Variants in ZNG1E observed in about 807,000 individuals in gnomAD.
ZNG1E encodes the protein zinc-regulated GTPase metalloprotein activator 1E.
the ZNG1E span, among the ~76,000 whole-genome samples, chr9:65,675,276 A>G: frequency 6.6e-6 from 1 of 152,252 alleles, no homozygotes; most frequent in African/African-American, 2.4e-5. Flanking sequence ...AGGGCTATCT[A>G]TGGATTAGTG....
the ZNG1E span, among the ~76,000 whole-genome samples, chr9:65,664,350 A>T: frequency 6.1e-5 from 9 of 147,044 alleles, no homozygotes; most frequent in Admixed American, 2.7e-4. Context: ...TAATTGAATT[A>T]TGGGGGCAGG....
At chr9:65,666,229 G>T in the ZNG1E span, among the ~76,000 whole-genome samples, 2 of 150,656 alleles carry the variant, frequency 1.3e-5, no homozygotes, top group Non-Finnish European at 3.0e-5. Flanking sequence ...ATGTATTGTG[G>T]GAGGGACCCG....
chr9:65,672,498 C>T, the ZNG1E span, among the ~76,000 whole-genome samples: 1 of 150,748 alleles, frequency 6.6e-6, no homozygotes, highest in Non-Finnish European at 1.5e-5. Flanking sequence ...GTAATCCCAG[C>T]TCTTTAGGAG....
At chr9:65,666,212 G>A in the ZNG1E span, among the ~76,000 whole-genome samples, 1 of 150,728 alleles carries the variant, frequency 6.6e-6, no homozygotes, top group South Asian at 2.2e-4. Context: ...TCTTATCTTG[G>A]ATTCCCATGT....
chr9:65,685,005 G>A, the ZNG1E span, among the ~76,000 whole-genome samples: 1 of 142,512 alleles, frequency 7.0e-6, no homozygotes, highest in Non-Finnish European at 1.5e-5. Flanking sequence ...TTGCACCACT[G>A]CACTCCAGCC....
chr9:65,692,266 G>T, the ZNG1E span, among the ~76,000 whole-genome samples: 2 of 33,494 alleles, frequency 6.0e-5, no homozygotes, highest in African/African-American at 9.5e-5. Flanking sequence ...TTATATTTTG[G>T]ATTGTAAGCT....
the ZNG1E span, among the ~76,000 whole-genome samples, chr9:65,665,154 G>C: frequency 6.6e-6 from 1 of 152,280 alleles, no homozygotes; most frequent in Non-Finnish European, 1.5e-5. Flanking sequence ...AAGTAACAAG[G>C]AGCTGAATGT....
the ZNG1E span, among the ~76,000 whole-genome samples, chr9:65,669,434 A>C: frequency 2.0e-5 from 3 of 151,106 alleles, no homozygotes; most frequent in Admixed American, 2.0e-4. Context: ...ATTTCTAATG[A>C]CAATGGAAGA....
the ZNG1E span, among the ~76,000 whole-genome samples, chr9:65,688,164 T>G: frequency 7.5e-3 from 1,124 of 150,158 alleles, 2 homozygotes; most frequent in African/African-American, 0.026. Context: ...TTTAAATGAA[T>G]TAATTGGTTA....
the ZNG1E span, among the ~76,000 whole-genome samples, chr9:65,663,043 G>A: frequency 2.8e-4 from 43 of 152,366 alleles, no homozygotes; most frequent in African/African-American, 8.7e-4. Context: ...GAAGTACAAC[G>A]AACAAAGGAC....
the ZNG1E span, among the ~76,000 whole-genome samples, chr9:65,684,538 ACACACACGCACG>A: frequency 1.1e-5 from 1 of 91,838 alleles, no homozygotes; most frequent in African/African-American, 4.2e-5. Flanking sequence ...CTGTATACAC[ACACACACGCACG>A]CACACACACA....
At chr9:65,719,526 A>G in the ZNG1E span, 3 of 123,840 alleles carry the variant, frequency 2.4e-5, no homozygotes, top group East Asian at 6.3e-4. Context: ...TTTTTCTCTC[A>G]ATTGGTAACT....
At chr9:65,717,501 C>T in the ZNG1E span, among the ~76,000 whole-genome samples, 5 of 149,650 alleles carry the variant, frequency 3.3e-5, no homozygotes, top group African/African-American at 1.3e-4. Flanking sequence ...GGTTCCAGCC[C>T]TTCATTTGAC....
the ZNG1E span, among the ~76,000 whole-genome samples, chr9:65,673,929 G>T: frequency 1.3e-5 from 2 of 152,302 alleles, no homozygotes; most frequent in East Asian, 3.8e-4. Flanking sequence ...TATTCAGGCA[G>T]TAATGCAGTG....
the ZNG1E span, among the ~76,000 whole-genome samples, chr9:65,691,749 T>C: frequency 6.6e-6 from 1 of 151,938 alleles, no homozygotes; most frequent in Non-Finnish European, 1.5e-5. Context: ...CCTTACTTTA[T>C]TTACCTGAAC....
chr9:65,658,243 A>G, the ZNG1E span, among the ~76,000 whole-genome samples: 1 of 152,140 alleles, frequency 6.6e-6, no homozygotes, highest in Non-Finnish European at 1.5e-5. Context: ...TATTGCACCC[A>G]CGAACCAGTC....
At chr9:65,660,982 AC>A in the ZNG1E span, among the ~76,000 whole-genome samples, 1 of 145,840 alleles carries the variant, frequency 6.9e-6, no homozygotes, top group South Asian at 2.2e-4. Context: ...GCCTTGGCAA[AC>A]CAAAAAACAT....
chr9:65,688,065 CTT>C, the ZNG1E span, among the ~76,000 whole-genome samples: 10 of 151,464 alleles, frequency 6.6e-5, no homozygotes, highest in African/African-American at 2.4e-4. Context: ...TTTGATGTGT[CTT>C]TTACCTTTGC....
the ZNG1E span, among the ~76,000 whole-genome samples, chr9:65,665,321 C>T: frequency 1.3e-5 from 2 of 152,254 alleles, no homozygotes; most frequent in East Asian, 1.9e-4. Flanking sequence ...ACTTCATACC[C>T]TGCATCCCAG....
Sources: allele counts gnomAD v4.1 joint callset (sites outside exome capture counted in the v4.1 genomes callset), GRCh38; gene constraint gnomAD v4.1.1; transcripts MANE v1.5; gene names NCBI Gene and HGNC (gene_info 2026-07-23, HGNC 2026-07-21).